HAO2: variants seen among roughly 807,000 people sequenced by gnomAD.
The protein encoded by HAO2 is hydroxyacid oxidase 2.
A neutral mutation model predicts 37.4 loss-of-function variants in HAO2; 42 were observed. The observed-to-expected ratio is 1.12, with a 90% CI of 0.88 to 1.45. HAO2 has a LOEUF of 1.45. Ranked by LOEUF, HAO2 falls within the 40% of genes most tolerant of loss-of-function variation. The pLI is 0.00. For synonymous variants in HAO2, 180 were observed against 162.8 expected, an observed-to-expected ratio of 1.11 and a Z score of -0.81; for missense variants, 476 against 430.2, an observed-to-expected ratio of 1.11 and a Z score of -0.94.
At chr1:119,388,669 A>G (rs990317509) in intron 5 of HAO2, among the ~76,000 whole-genome samples, 6 of 152,156 alleles carry the variant, frequency 3.9e-5, no homozygotes, top group Non-Finnish European at 8.8e-5. Flanking sequence ...CCTTAATCCT[A>G]GCCCCAGGTC....
chr1:119,389,429 C>T (rs1650693355), intron 5 of HAO2, among the ~76,000 whole-genome samples: 2 of 151,254 alleles, frequency 1.3e-5, no homozygotes, highest in African/African-American at 4.9e-5. Flanking sequence ...AGAAGTGTTC[C>T]CTGTTCACTG....
chr1:119,371,308 A>G lies in HAO2; in HGVS notation c.-9+2406A>G, dbSNP rs587627280. Among the ~76,000 whole-genome samples the G allele has an allele frequency of 3.3e-5, 5 of 152,206 alleles. No homozygotes were observed. The East Asian group carries it at 7.7e-4, about 24-fold the overall frequency. On this transcript the variant is annotated intron_variant, in intron 1 of 7. Coordinates refer to ENST00000325945, the MANE Select transcript of HAO2 (RefSeq NM_016527.4). ...TCTATAACATGGGGCTCATACATAC[A>G]CTCTCTGATTGCCCACTGGATTGTT...
At chr1:119,372,785 C>T (rs1031557857) in intron 1 of HAO2, among the ~76,000 whole-genome samples, 1 of 152,162 alleles carries the variant, frequency 6.6e-6, no homozygotes, top group South Asian at 2.1e-4. Context: ...CTTGAGCACC[C>T]AGCTGTTTGT....
intron 1 of HAO2, among the ~76,000 whole-genome samples, chr1:119,375,659 G>A (rs1292728436): frequency 6.6e-6 from 1 of 152,034 alleles, no homozygotes; most frequent in Admixed American, 6.6e-5. Flanking sequence ...CCTGAGACTG[G>A]GTAACTTATA....
At chr1:119,387,987 A>G (rs1285234394) in intron 5 of HAO2, among the ~76,000 whole-genome samples, 1 of 152,204 alleles carries the variant, frequency 6.6e-6, no homozygotes, top group Non-Finnish European at 1.5e-5. Flanking sequence ...AAGGCAGTGG[A>G]ATGCAAGCCC....
chr1:119,393,531 A>T lies in HAO2; in HGVS notation c.1001-254A>T, dbSNP rs72563185. Among the ~76,000 whole-genome samples the T allele has an allele frequency of 9.9e-4, 151 of 152,286 alleles. 2 individuals are homozygous for T. In the Middle Eastern group the frequency reaches 0.027, roughly 27 times the overall value. On this transcript the variant is annotated intron_variant, in intron 7 of 7. Coordinates refer to ENST00000325945, the MANE Select transcript of HAO2 (RefSeq NM_016527.4). ...TTGCACACAAGAGTTGATTTAGAAA[A>T]TGCTAAAATAGGGTTTTTACATGTT...
rs370735956 is a variant in HAO2, at chr1:119,385,073, C to T, written c.561+20C>T. On this transcript the variant is annotated intron_variant, in intron 4 of 7. Transcript: ENST00000325945. Reference sequence around the variant, plus strand: ...AAAAAGGTAAGAAAGATACCAAATTCGATGGACAGGCATTACAAGAGGCAA... The same window carrying T: ...AAAAAGGTAAGAAAGATACCAAATTTGATGGACAGGCATTACAAGAGGCAA... 57 of 1,598,116 alleles carry T rather than the reference C, an allele frequency of 3.6e-5. No homozygotes were observed. In the African/African-American group the frequency reaches 4.1e-4, roughly 12 times the overall value.
In HAO2 at chr1:119,376,350, G is replaced by A. The variant is rs140096757; in HGVS notation, c.-8-4728G>A. ...CATCCAGGTCACACTGATGCAAGAG[G>A]TGGGTTCCCATGGTCTTGGGCAGCT... On this transcript the variant is annotated intron_variant, in intron 1 of 7. Transcript: ENST00000325945. 4.6e-5 allele frequency among the ~76,000 whole-genome samples: 7 copies of A among 152,330 alleles called. No homozygotes were observed. The East Asian group carries it at 1.4e-3, about 29-fold the overall frequency.
intron 1 of HAO2, chr1:119,370,270 G>A (rs1648873461): frequency 6.6e-6 from 1 of 152,230 alleles, no homozygotes; most frequent in Non-Finnish European, 1.5e-5. Context: ...AGCATGTGGG[G>A]AGCAGTATAT....
At chr1:119,391,544 T>C (rs1650901926) in intron 5 of HAO2, among the ~76,000 whole-genome samples, 2 of 152,236 alleles carry the variant, frequency 1.3e-5, no homozygotes, top group Admixed American at 1.3e-4. Context: ...TGTTGTACTT[T>C]AGTCCTATCT....
intron 1 of HAO2, among the ~76,000 whole-genome samples, chr1:119,375,478 T>G (rs886432411): frequency 6.6e-6 from 1 of 152,032 alleles, no homozygotes; most frequent in Admixed American, 6.6e-5. Flanking sequence ...TTATCTCGAG[T>G]TCAATATGGC....
intron 7 of HAO2, among the ~76,000 whole-genome samples, chr1:119,393,407 C>T (rs1218212613): frequency 2.6e-5 from 4 of 152,068 alleles, no homozygotes; most frequent in Non-Finnish European, 4.4e-5. Flanking sequence ...GAATACTCAC[C>T]CCATCTCTTT....
intron 1 of HAO2, among the ~76,000 whole-genome samples, chr1:119,372,336 C>T (rs1239720192): frequency 1.3e-5 from 2 of 152,126 alleles, no homozygotes; most frequent in African/African-American, 4.8e-5. Flanking sequence ...TGTTAAGATG[C>T]CTTTGAGGGT....
At position 119,386,708 on chromosome 1, in the gene HAO2, AT is replaced by A; in HGVS notation, c.650del (p.Leu217CysfsTer5). ...TCTCCTGGTTTCAGAGCATAACTCG[AT>A]TGCCCATCATCCTGAAAGGGATTTT... ...DLSWFQSITR[L>X]PIILKGILTK... On this transcript the variant is annotated frameshift_variant, in exon 5 of 8. Transcript: ENST00000325945. LOFTEE classifies it high-confidence loss of function. 6.2e-7 allele frequency: 1 copy of A among 1,613,106 alleles called. No individual in the cohort carries two copies. Among genetic ancestry groups the A allele is most frequent in the Non-Finnish European group, 8.5e-7 (1 of 1,179,106 alleles).
intron 2 of HAO2, among the ~76,000 whole-genome samples, chr1:119,381,668 A>G (rs1043323882): frequency 1.3e-5 from 2 of 152,158 alleles, no homozygotes; most frequent in Admixed American, 6.5e-5. Context: ...TCAGGGGAGA[A>G]GAGTTGGTCT....
chr1:119,371,568 A>G (rs1195398978), intron 1 of HAO2, among the ~76,000 whole-genome samples: 2 of 152,100 alleles, frequency 1.3e-5, no homozygotes, highest in Non-Finnish European at 2.9e-5. Context: ...GGCTGTGCCC[A>G]TTTTCTTCTT....
chr1:119,371,135 A>T (rs1648965829), intron 1 of HAO2, among the ~76,000 whole-genome samples: 11 of 152,342 alleles, frequency 7.2e-5, no homozygotes, highest in Admixed American at 6.5e-4. Flanking sequence ...TTCAGAACAG[A>T]GACTTAAATG....
At chr1:119,375,152 T>G (rs140875966) in intron 1 of HAO2, among the ~76,000 whole-genome samples, 8 of 152,180 alleles carry the variant, frequency 5.3e-5, no homozygotes, top group African/African-American at 1.9e-4. Context: ...GAAAAAACAT[T>G]GAAATGGAGA....
chr1:119,385,846 G>T (rs1650340297), intron 4 of HAO2: 1 of 985,044 alleles, frequency 1.0e-6, no homozygotes, highest in Non-Finnish European at 1.2e-6. Flanking sequence ...TCAAATTCCA[G>T]AAGCACATTG....
Sources: gnomAD v4.1 joint callset for allele counts (sites outside exome capture counted in the v4.1 genomes callset) on GRCh38, gnomAD v4.1.1 for gene constraint, MANE v1.5 for transcripts, NCBI Gene and HGNC (gene_info 2026-07-23, HGNC 2026-07-21) for gene names.